The following CNDP1 variants were observed in gnomAD, a reference collection of about 807,000 sequenced individuals.
CNDP1 encodes beta-Ala-His dipeptidase.
In CNDP1, 44 loss-of-function variants were observed where a neutral mutation model predicts 58.1. The observed-to-expected ratio is 0.76, with a 90% CI of 0.60 to 0.97. CNDP1 has a LOEUF of 0.97. Among genes scored for constraint, CNDP1 ranks in the 50% least tolerant of loss-of-function variants. The pLI is 0.00. For missense variants in CNDP1, 616 were observed against 655.1 expected (o/e 0.94, Z 0.65); for synonymous variants, 254 against 252.6 (o/e 1.01, Z -0.05).
chr18:74,567,474 G>A, intron 6 of CNDP1, 41 bp downstream of exon 6: 1 of 1,515,078 alleles, frequency 6.6e-7, no homozygotes, highest in Non-Finnish European at 9.2e-7. Context: ...GCCTGTGGGG[G>A]TTGTGAATGG....
chr18:74,565,801 A>T (rs1981313447), intron 5 of CNDP1, among the ~76,000 whole-genome samples: 1 of 152,166 alleles, frequency 6.6e-6, no homozygotes, highest in Non-Finnish European at 1.5e-5. Flanking sequence ...GGTCTGGAGG[A>T]CAGTGGCCCT....
rs187922894 is a variant in CNDP1, at chr18:74,535,353, G to A, written c.24+662G>A. 4.1e-3 allele frequency among the ~76,000 whole-genome samples: 622 copies of A among 152,294 alleles called. 6 individuals carry two copies. The highest frequency in any genetic ancestry group is 3.6e-3 in the Non-Finnish European group (243 of 68,018). On this transcript the variant is annotated intron_variant, in intron 1 of 11. Coordinates refer to ENST00000358821, the MANE Select transcript of CNDP1 (RefSeq NM_032649.6). ...CACACAGAAATTTTCAGAATTTTGT[G>A]GAAGGTTGATACGTAGAAGACTCTC...
intron 6 of CNDP1, among the ~76,000 whole-genome samples, chr18:74,570,237 A>G (rs1309783883): frequency 1.4e-5 from 1 of 73,082 alleles, no homozygotes; most frequent in Non-Finnish European, 2.5e-5. Context: ...ATAATAATAA[A>G]TAATTAAAAA....
chr18:74,575,972 C>T (rs563630605), intron 7 of CNDP1, among the ~76,000 whole-genome samples: 3 of 150,006 alleles, frequency 2.0e-5, no homozygotes, highest in East Asian at 2.0e-4. Context: ...TGGGTTCAAG[C>T]GATTCTCCTG....
At position 74,544,395 on chromosome 18, in the gene CNDP1, A is replaced by G. The variant is rs1980704027; in HGVS notation, c.24+9704A>G. On this transcript the variant is annotated intron_variant, in intron 1 of 11. Transcript: ENST00000358821. ...GTCATGAGAGCCAGACAGATAATTAATAAGTAAACAAATAATAGAATGTTA... is the reference window on the plus strand; with the variant it reads ...GTCATGAGAGCCAGACAGATAATTAGTAAGTAAACAAATAATAGAATGTTA... Among the ~76,000 whole-genome samples, 3 of 152,236 alleles carry G rather than the reference A, an allele frequency of 2.0e-5. 1 individual carries two copies. In the South Asian group the frequency reaches 6.2e-4, roughly 31 times the overall value.
chr18:74,554,863 C>T (rs1599091087), intron 1 of CNDP1, among the ~76,000 whole-genome samples: 1 of 152,132 alleles, frequency 6.6e-6, no homozygotes, highest in East Asian at 1.9e-4. Context: ...TAGAGGAAGC[C>T]ATGAAAATGA....
In CNDP1 at chr18:74,584,477, T is replaced by G. The variant is rs1981863442; in HGVS notation, c.1458-19T>G. 6.3e-7 allele frequency: 1 copy of G among 1,588,930 alleles called. No individual in the cohort carries two copies. Among genetic ancestry groups the G allele is most frequent in the Non-Finnish European group, 8.6e-7 (1 of 1,157,746 alleles). On this transcript the variant is annotated intron_variant, in intron 11 of 11. Transcript: ENST00000358821. ...ATGGAAATTGTAACAAAATTTCTCT[T>G]TGTTTTTCCTCTTCTTAGGTGGAAC...
chr18:74,578,457 A>G, intron 9 of CNDP1, 130 bp downstream of exon 9: 1 of 926,266 alleles, frequency 1.1e-6, no homozygotes, highest in Non-Finnish European at 1.6e-6. Flanking sequence ...AGAGGAGTGG[A>G]ACAAATGTCA....
At chr18:74,560,562 G>T (rs969638845) in intron 3 of CNDP1, among the ~76,000 whole-genome samples, 2 of 152,018 alleles carry the variant, frequency 1.3e-5, no homozygotes, top group Non-Finnish European at 1.5e-5. Context: ...AAAGGTAGCC[G>T]GACATGGTGG....
rs952870285 is a variant in CNDP1, at chr18:74,585,687, T to C, written c.*1125T>C. On this transcript the variant is annotated 3_prime_UTR_variant, in exon 12 of 12. Coordinates refer to ENST00000358821, the MANE Select transcript of CNDP1 (RefSeq NM_032649.6). ...GGCTTATTAAAATTTTTTTCTATTATGACTCCAAATAAAAACAAAGCAGAG... is the reference window on the plus strand; with the variant it reads ...GGCTTATTAAAATTTTTTTCTATTACGACTCCAAATAAAAACAAAGCAGAG... 3.3e-5 allele frequency: 5 copies of C among 152,168 alleles called. No individual in the cohort carries two copies. Among genetic ancestry groups the C allele is most frequent in the African/African-American group, 4.8e-5 (2 of 41,446 alleles). The allele number at this position is 152,168 out of a possible 1,614,324, so 9.4% of individuals were successfully genotyped here.
At chr18:74,563,335 T>C (rs1003328454) in intron 5 of CNDP1, among the ~76,000 whole-genome samples, 14 of 152,326 alleles carry the variant, frequency 9.2e-5, no homozygotes, top group African/African-American at 3.4e-4. Flanking sequence ...CCTTGGTTTC[T>C]ATCTCTGTCT....
At position 74,534,658 on chromosome 18, in the gene CNDP1, C is replaced by T; in HGVS notation, c.-10C>T. ...GGGAAAGTTGCTAGAGGCTTCAGAA[C>T]TCCAGCCTAATGGATCCCAAACTCG... On this transcript the variant is annotated 5_prime_UTR_variant, in exon 1 of 12. Transcript: ENST00000358821. 1.2e-6 allele frequency: 2 copies of T among 1,614,162 alleles called. No homozygotes were observed. Among genetic ancestry groups the T allele is most frequent in the Non-Finnish European group, 1.7e-6 (2 of 1,179,994 alleles).
At chr18:74,582,088 A>T (rs1470496991) in intron 10 of CNDP1, among the ~76,000 whole-genome samples, 2 of 152,236 alleles carry the variant, frequency 1.3e-5, no homozygotes, top group Non-Finnish European at 1.5e-5. Flanking sequence ...GTATTTCGCC[A>T]GTAAACTTTA....
Position 74,534,586 on chromosome 18 carries a change from C to T in CNDP1, c.-82C>T. The T allele has an allele frequency of 6.9e-7, 1 of 1,451,294 alleles. No individual in the cohort carries two copies. The allele number at this position is 1,451,294 out of a possible 1,614,324, so 89.9% of individuals were successfully genotyped here. A position where few individuals can be genotyped will look rare whatever the true frequency, so the allele number is the denominator to read the frequency against. On this transcript the variant is annotated 5_prime_UTR_variant, in exon 1 of 12. Transcript: ENST00000358821. ...GCACAGAGAGATATTTAATGTCACC[C>T]TCTTGGGGCTTTCATGGGACTCCCT...
rs1981867486 is a variant in CNDP1 at position 74,584,620 on chromosome 18, C to T, written c.*58C>T. ...TGACAGATTCACCTCCCCCACATCC[C>T]TAGACAGGGATGGAATGTAAATATC... is the stretch of plus-strand genomic sequence containing the variant. On this transcript the variant is annotated 3_prime_UTR_variant, in exon 12 of 12. Coordinates refer to ENST00000358821, the MANE Select transcript of CNDP1 (RefSeq NM_032649.6). The T allele has an allele frequency of 6.2e-6, 8 of 1,300,606 alleles. No individual in the cohort carries two copies. The highest frequency in any genetic ancestry group is 7.8e-6 in the Non-Finnish European group (7 of 894,420). 80.6% of individuals were successfully genotyped at this position (1,300,606 alleles called of 1,614,324 possible). A position where few individuals can be genotyped will look rare whatever the true frequency, so the allele number is the denominator to read the frequency against.
At chr18:74,538,653 T>C (rs983271484) in intron 1 of CNDP1, among the ~76,000 whole-genome samples, 3 of 152,226 alleles carry the variant, frequency 2.0e-5, no homozygotes, top group African/African-American at 7.2e-5. Context: ...GCATCCTCAC[T>C]AGCAGTGTGT....
chr18:74,557,175 C>T (rs1037950778), intron 2 of CNDP1, among the ~76,000 whole-genome samples: 4 of 151,998 alleles, frequency 2.6e-5, no homozygotes, highest in Non-Finnish European at 5.9e-5. Flanking sequence ...GCCTCGGCCT[C>T]CCAAAGTGCT....
At chr18:74,552,362 T>C (rs1980932681) in intron 1 of CNDP1, among the ~76,000 whole-genome samples, 1 of 152,238 alleles carries the variant, frequency 6.6e-6, no homozygotes, top group Non-Finnish European at 1.5e-5. Context: ...TTCAGAATTG[T>C]ACAACCATTG....
intron 1 of CNDP1, among the ~76,000 whole-genome samples, chr18:74,543,255 C>T (rs569573062): frequency 5.3e-4 from 81 of 152,172 alleles, no homozygotes; most frequent in African/African-American, 1.6e-3. Context: ...TTTGGGAGGA[C>T]GAGGCAGGCA....
Sources: allele counts gnomAD v4.1 joint callset (sites outside exome capture counted in the v4.1 genomes callset), GRCh38; gene constraint gnomAD v4.1.1; transcripts MANE v1.5; gene names NCBI Gene and HGNC (gene_info 2026-07-23, HGNC 2026-07-21).